The following MED15 variants were observed in gnomAD, a reference collection of about 807,000 sequenced individuals.
MED15 encodes the protein mediator of RNA polymerase II transcription subunit 15.
Under a neutral mutation model 118.7 loss-of-function variants are expected in MED15, and 41 were observed. That is an observed-to-expected ratio of 0.35 (90% CI 0.27 to 0.45). MED15 has a LOEUF of 0.45. Ranked by LOEUF, MED15 falls within the 20% of genes least tolerant of loss-of-function variation. The pLI is 1.00. For synonymous variants in MED15, 436 were observed against 413.9 expected (o/e 1.05, Z -0.65); for missense variants, 740 against 1,025.5 (o/e 0.72, Z 3.80).
chr22:20,523,557 T>G, intron 1 of MED15: 1 of 639,210 alleles, frequency 1.6e-6, no homozygotes, highest in Non-Finnish European at 1.9e-6. Context: ...AGTGCAGATC[T>G]CTAAAAGATC....
rs202067087 is a variant in MED15, at chr22:20,582,917, G to A, written c.1487G>A (p.Arg496Gln). Residue 496 changes from arginine (R) to glutamine (Q), a missense_variant, in exon 11 of 18, where the codon CGG becomes CAG. Coordinates refer to ENST00000263205, the MANE Select transcript of MED15 (RefSeq NM_001003891.3). ...PQPSQSPVTA[R>Q]TPQNFSVPSP... ...CCCTCCCAGAGCCCAGTGACGGCGC[G>A]GACCCCACAGAACTTCAGTGTCCCC... is the stretch of plus-strand genomic sequence containing the variant. 6.3e-5 allele frequency: 101 copies of A among 1,613,678 alleles called. No individual in the cohort carries two copies. The highest frequency in any genetic ancestry group is 7.5e-5 in the Non-Finnish European group (88 of 1,179,996).
At chr22:20,580,927 G>A (rs1052759686) in intron 9 of MED15, among the ~76,000 whole-genome samples, 2 of 152,250 alleles carry the variant, frequency 1.3e-5, no homozygotes, top group Non-Finnish European at 2.9e-5. Flanking sequence ...GTAGAGTGAT[G>A]AGGCCCGGCA....
intron 2 of MED15, among the ~76,000 whole-genome samples, chr22:20,537,692 A>G (rs1410968495): frequency 6.6e-6 from 1 of 152,252 alleles, no homozygotes; most frequent in Non-Finnish European, 1.5e-5. Flanking sequence ...AAGGATTTCC[A>G]CTATATGTGG....
chr22:20,577,960 T>C (rs1283650475), intron 9 of MED15, among the ~76,000 whole-genome samples: 1 of 152,114 alleles, frequency 6.6e-6, no homozygotes, highest in Non-Finnish European at 1.5e-5. Flanking sequence ...GTCTCGCACT[T>C]GTCCCCCAGG....
At chr22:20,548,152 TTTTTTTG>T (rs140738445) in intron 2 of MED15, among the ~76,000 whole-genome samples, 9,036 of 151,970 alleles carry the variant, frequency 0.059, 606 homozygotes, top group East Asian at 0.37. Context: ...TTTGATTTGT[TTTTTTTG>T]TTTTTTGTTT....
chr22:20,561,446 G>A (rs1299430539), intron 5 of MED15, among the ~76,000 whole-genome samples: 2 of 152,044 alleles, frequency 1.3e-5, no homozygotes, highest in Non-Finnish European at 2.9e-5. Flanking sequence ...CTAGAACCCG[G>A]GAGGCGGAGG....
chr22:20,518,750 C>T (rs1055050711), intron 1 of MED15: 5 of 374,666 alleles, frequency 1.3e-5, no homozygotes, highest in Admixed American at 6.4e-5. Flanking sequence ...TTAAAGCCTG[C>T]CATGGTTTTG....
chr22:20,529,700 A>C (rs962422876), intron 1 of MED15, among the ~76,000 whole-genome samples: 3 of 152,176 alleles, frequency 2.0e-5, no homozygotes, highest in African/African-American at 7.2e-5. Flanking sequence ...CCCGGGTTCA[A>C]GCCATCCTCC....
intron 9 of MED15, among the ~76,000 whole-genome samples, chr22:20,580,974 T>C (rs771324806): frequency 2.6e-5 from 4 of 152,208 alleles, no homozygotes; most frequent in Non-Finnish European, 5.9e-5. Context: ...GTCCCTCCTC[T>C]CCCAGGCAGA....
At chr22:20,532,959 TC>T (rs1156359280) in intron 1 of MED15, among the ~76,000 whole-genome samples, 2 of 152,172 alleles carry the variant, frequency 1.3e-5, no homozygotes, top group Non-Finnish European at 1.5e-5. Context: ...GGGGGCTGTC[TC>T]CTTGTGTGAT....
intron 2 of MED15, among the ~76,000 whole-genome samples, chr22:20,539,835 C>A (rs2055223735): frequency 6.6e-6 from 1 of 152,102 alleles, no homozygotes; most frequent in South Asian, 2.1e-4. Context: ...TGTTGAGCAT[C>A]TTTTTCATGT....
intron 1 of MED15, among the ~76,000 whole-genome samples, chr22:20,529,682 C>T (rs1352285236): frequency 6.6e-6 from 1 of 152,226 alleles, no homozygotes; most frequent in Admixed American, 6.5e-5. Context: ...TCATTGCAAC[C>T]TTTGCCTCCC....
At chr22:20,552,337 A>G (rs1195269214) in intron 3 of MED15, among the ~76,000 whole-genome samples, 4 of 152,310 alleles carry the variant, frequency 2.6e-5, no homozygotes, top group African/African-American at 9.6e-5. Flanking sequence ...TGCTGGGTCA[A>G]AGGGAGACAT....
At chr22:20,571,735 T>G (rs1412555455) in intron 8 of MED15, among the ~76,000 whole-genome samples, 1 of 152,216 alleles carries the variant, frequency 6.6e-6, no homozygotes, top group East Asian at 1.9e-4. Flanking sequence ...TCTGGATTCA[T>G]GATCTTCTTT....
Position 20,585,276 on chromosome 22 carries a change from C to G in MED15, c.2131+9C>G. The G allele has an allele frequency of 6.2e-7, 1 of 1,611,846 alleles. No individual in the cohort carries two copies. Among genetic ancestry groups the G allele is most frequent in the Non-Finnish European group, 8.5e-7 (1 of 1,178,798 alleles). ...CCTGATCTGCAAGCTGGGTGAGTGT[C>G]CAGAGGGCCGGGACTGGTGTGGGAA... On this transcript the variant is annotated intron_variant, in intron 16 of 17. Coordinates refer to ENST00000263205, the MANE Select transcript of MED15 (RefSeq NM_001003891.3).
In MED15 at chr22:20,546,525, G is replaced by A. The variant is rs368328917; in HGVS notation, c.157-4911G>A. On this transcript the variant is annotated intron_variant, in intron 2 of 17. Coordinates refer to ENST00000263205, the MANE Select transcript of MED15 (RefSeq NM_001003891.3). ...GAGTTTTTTTTGTTTTTTTTTTTTT[G>A]TCAAGAAAGGTTTTCTTTCGTCAGC... Among the ~76,000 whole-genome samples, 3 of 36,916 alleles carry A rather than the reference G, an allele frequency of 8.1e-5. No individual in the cohort carries two copies. The Admixed American group carries it at 9.1e-4, about 11-fold the overall frequency. 24.2% of individuals were successfully genotyped at this position (36,916 alleles called of 152,430 possible). A position where few individuals can be genotyped will look rare whatever the true frequency, so the allele number is the denominator to read the frequency against.
Position 20,537,108 on chromosome 22 carries a change from G to A in MED15, c.69-9G>A, listed in dbSNP as rs1392031279. The A allele has an allele frequency of 1.2e-6, 2 of 1,612,874 alleles. No homozygotes were observed. The highest frequency in any genetic ancestry group is 1.7e-6 in the Non-Finnish European group (2 of 1,179,290). On this transcript the variant is annotated splice_polypyrimidine_tract_variant and intron_variant, in intron 1 of 17. Transcript: ENST00000263205. Reference sequence around the variant, plus strand: ...GTGTGCAAACGTCTCTTCTCCTTTTGTGTTTCAGCGAGGATGCCATGAGGA... The same window carrying A: ...GTGTGCAAACGTCTCTTCTCCTTTTATGTTTCAGCGAGGATGCCATGAGGA...
intron 13 of MED15, chr22:20,583,671 G>C: frequency 2.2e-6 from 1 of 458,566 alleles, no homozygotes; most frequent in Non-Finnish European, 4.0e-6. Context: ...CAGGGGCCCA[G>C]CTTGCAGTGG....
At position 20,575,259 on chromosome 22, in the gene MED15, C is replaced by T. The variant is rs772030267; in HGVS notation, c.1272+27C>T. 36 of 1,609,372 alleles carry T rather than the reference C, an allele frequency of 2.2e-5. No individual in the cohort carries two copies. The Admixed American group carries it at 3.2e-4, about 14-fold the overall frequency. Reference sequence around the variant, plus strand: ...TATTTACGGGGCAGCGCCCAGGGCACGGCTGGGAGCTCGGGGCGTCCTCTG... The same window carrying T: ...TATTTACGGGGCAGCGCCCAGGGCATGGCTGGGAGCTCGGGGCGTCCTCTG... On this transcript the variant is annotated intron_variant, in intron 9 of 17. Coordinates refer to ENST00000263205, the MANE Select transcript of MED15 (RefSeq NM_001003891.3).
Sources: gnomAD v4.1 joint callset for allele counts (sites outside exome capture counted in the v4.1 genomes callset) on GRCh38, gnomAD v4.1.1 for gene constraint, MANE v1.5 for transcripts, NCBI Gene and HGNC (gene_info 2026-07-23, HGNC 2026-07-21) for gene names.